LRRC69: variants seen among roughly 807,000 people sequenced by gnomAD.
LRRC69 encodes the protein leucine-rich repeat-containing protein 69.
In LRRC69, 42 loss-of-function variants were observed where a neutral mutation model predicts 37.8. That is an observed-to-expected ratio of 1.11 (90% CI 0.87 to 1.44). The LOEUF is 1.44. Ranked by LOEUF, LRRC69 falls within the 40% of genes most tolerant of loss-of-function variation. The pLI, the probability that LRRC69 is intolerant of heterozygous loss-of-function variation, is 0.00. For missense variants in LRRC69, 357 were observed against 401.9 expected (o/e 0.89, Z 0.96); for synonymous variants, 141 against 143.1 (o/e 0.99, Z 0.11).
At chr8:91,106,194 C>G (rs1300060399) in intron 1 of LRRC69, among the ~76,000 whole-genome samples, 1 of 152,002 alleles carries the variant, frequency 6.6e-6, no homozygotes, top group Non-Finnish European at 1.5e-5. Context: ...TGAACTCTTT[C>G]TTATGTGGCT....
At chr8:91,112,603 A>G (rs1476616850) in intron 1 of LRRC69, among the ~76,000 whole-genome samples, 3 of 152,058 alleles carry the variant, frequency 2.0e-5, no homozygotes, top group African/African-American at 4.8e-5. Flanking sequence ...AATATAGGCT[A>G]TATATGAGAC....
intron 5 of LRRC69, among the ~76,000 whole-genome samples, chr8:91,168,382 C>A (rs1452513785): frequency 6.6e-6 from 1 of 151,862 alleles, no homozygotes; most frequent in Non-Finnish European, 1.5e-5. Context: ...GCCCTCCTCT[C>A]CTGAACTACT....
chr8:91,116,005 G>T (rs1173899338), intron 1 of LRRC69, among the ~76,000 whole-genome samples: 1 of 151,998 alleles, frequency 6.6e-6, no homozygotes, highest in African/African-American at 2.4e-5. Context: ...TTTAATCATG[G>T]TTTATAACCT....
At chr8:91,219,035 C>A, downstream of LRRC69, 2 of 1,208,350 alleles carry the variant, frequency 1.7e-6, no homozygotes, top group Non-Finnish European at 2.4e-6. Context: ...CCTCACTCCA[C>A]TTGCCCTGTC....
At chr8:91,157,649 C>G (rs191914781) in intron 5 of LRRC69, 120 of 1,581,198 alleles carry the variant, frequency 7.6e-5, no homozygotes, top group Non-Finnish European at 1.0e-4. Context: ...ATGCACTGGA[C>G]TTTTAATGTT....
intron 5 of LRRC69, among the ~76,000 whole-genome samples, chr8:91,159,385 T>G (rs1177277024): frequency 6.6e-6 from 1 of 151,198 alleles, no homozygotes; most frequent in Non-Finnish European, 1.5e-5. Flanking sequence ...AATAGACCTG[T>G]GGCAGATGTC....
At chr8:91,166,360 C>G (rs1476805897) in intron 5 of LRRC69, among the ~76,000 whole-genome samples, 1 of 151,310 alleles carries the variant, frequency 6.6e-6, no homozygotes, top group Admixed American at 6.6e-5. Flanking sequence ...ACAAATTGTG[C>G]TAGAAGGTGG....
chr8:91,196,633 G>A (rs1238884709), intron 6 of LRRC69, among the ~76,000 whole-genome samples: 3 of 151,954 alleles, frequency 2.0e-5, no homozygotes, highest in Admixed American at 6.6e-5. Flanking sequence ...CCAGTTGATC[G>A]CATCAGCTCC....
intron 1 of LRRC69, among the ~76,000 whole-genome samples, chr8:91,115,277 A>G (rs1813491860): frequency 6.6e-6 from 1 of 152,014 alleles, no homozygotes; most frequent in Admixed American, 6.6e-5. Flanking sequence ...AAATAATAGG[A>G]TGAGATTTTC....
chr8:91,107,651 A>G (rs969537517), intron 1 of LRRC69, among the ~76,000 whole-genome samples: 1 of 152,052 alleles, frequency 6.6e-6, no homozygotes, highest in Non-Finnish European at 1.5e-5. Flanking sequence ...ACTAGCAACA[A>G]TGATAAAATG....
intron 6 of LRRC69, among the ~76,000 whole-genome samples, chr8:91,197,576 G>A (rs532558627): frequency 6.6e-5 from 10 of 152,216 alleles, no homozygotes; most frequent in African/African-American, 1.7e-4. Flanking sequence ...TCGGAAAAGC[G>A]CAGTATTAGG....
intron 7 of LRRC69, among the ~76,000 whole-genome samples, chr8:91,203,654 C>A (rs1484467907): frequency 6.6e-6 from 1 of 151,814 alleles, no homozygotes; most frequent in Non-Finnish European, 1.5e-5. Context: ...CTGCCTTGGC[C>A]TCCCAAAGTG....
chr8:91,198,279 A>G (rs1809653151), intron 6 of LRRC69, among the ~76,000 whole-genome samples: 1 of 152,170 alleles, frequency 6.6e-6, no homozygotes, highest in African/African-American at 2.4e-5. Flanking sequence ...ATAGTATTGG[A>G]AAAAAATCCC....
chr8:91,125,664 C>T (rs567301231), intron 2 of LRRC69, among the ~76,000 whole-genome samples: 7 of 151,702 alleles, frequency 4.6e-5, no homozygotes, highest in African/African-American at 1.7e-4. Context: ...AATTTAAGTG[C>T]AACCTGATAT....
chr8:91,186,933 G>A (rs1381548796), intron 5 of LRRC69, among the ~76,000 whole-genome samples: 1 of 152,106 alleles, frequency 6.6e-6, no homozygotes, highest in African/African-American at 2.4e-5. Flanking sequence ...CATAATTTAG[G>A]GGAAATATGA....
intron 5 of LRRC69, among the ~76,000 whole-genome samples, chr8:91,166,548 A>G (rs1050023948): frequency 1.3e-5 from 2 of 150,896 alleles, no homozygotes; most frequent in African/African-American, 2.4e-5. Flanking sequence ...TAATATTAGC[A>G]ATTTTGAAAA....
At chr8:91,182,082 G>A (rs1386121022) in intron 5 of LRRC69, among the ~76,000 whole-genome samples, 3 of 152,028 alleles carry the variant, frequency 2.0e-5, no homozygotes, top group African/African-American at 7.2e-5. Context: ...TGAAGAAAGG[G>A]TTTTCTAGTA....
chr8:91,163,631 C>T (rs1808982936), intron 5 of LRRC69, among the ~76,000 whole-genome samples: 2 of 151,408 alleles, frequency 1.3e-5, no homozygotes, highest in Non-Finnish European at 3.0e-5. Flanking sequence ...TTTCAGAAGA[C>T]TTTGTGTTCT....
At chr8:91,182,503 T>C (rs141664434) in intron 5 of LRRC69, among the ~76,000 whole-genome samples, 1 of 152,214 alleles carries the variant, frequency 6.6e-6, no homozygotes, top group African/African-American at 2.4e-5. Flanking sequence ...GTAATACTAA[T>C]TATTTACTCT....
Sources: gnomAD v4.1 joint callset for allele counts (sites outside exome capture counted in the v4.1 genomes callset) on GRCh38, gnomAD v4.1.1 for gene constraint, MANE v1.5 for transcripts, NCBI Gene and HGNC (gene_info 2026-07-23, HGNC 2026-07-21) for gene names.